The following GRIK2 variants were observed in gnomAD, a reference collection of about 807,000 sequenced individuals.
GRIK2 encodes the protein glutamate receptor ionotropic, kainate 2.
GRIK2 carries 32 observed loss-of-function variants against 100.3 expected under a neutral mutation model. The observed-to-expected ratio is 0.32, with a 90% CI of 0.24 to 0.43. The LOEUF (loss-of-function observed/expected upper bound fraction) is 0.43, where lower values mean the gene tolerates loss of function less well. GRIK2 is among the 20% of genes least tolerant of loss of function. The pLI is 1.00. For missense variants in GRIK2, 843 were observed against 1,114.9 expected, an observed-to-expected ratio of 0.76 and a Z score of 3.47; for synonymous variants, 417 against 389.4, an observed-to-expected ratio of 1.07 and a Z score of -0.83.
intron 14 of GRIK2, among the ~76,000 whole-genome samples, chr6:102,019,753 C>G (rs937801207): frequency 4.0e-5 from 6 of 151,652 alleles, no homozygotes; most frequent in Non-Finnish European, 8.9e-5. Context: ...TCTCTTCTAA[C>G]AAATCATCCT....
intron 10 of GRIK2, among the ~76,000 whole-genome samples, chr6:101,856,894 C>A (rs547962819): frequency 6.6e-6 from 1 of 152,116 alleles, no homozygotes; most frequent in South Asian, 2.1e-4. Flanking sequence ...GTATTGGATA[C>A]TTCATGTAGG....
intron 7 of GRIK2, among the ~76,000 whole-genome samples, chr6:101,756,674 C>G (rs1185538494): frequency 6.6e-6 from 1 of 152,084 alleles, no homozygotes; most frequent in Admixed American, 6.5e-5. Context: ...CAAGCGCTCT[C>G]TGAAAATAAT....
intron 2 of GRIK2, among the ~76,000 whole-genome samples, chr6:101,599,598 A>T (rs577337878): frequency 6.6e-6 from 1 of 151,882 alleles, no homozygotes; most frequent in South Asian, 2.1e-4. Context: ...TATAATAGCC[A>T]TTCTGACTGG....
rs1788872391 is a variant in GRIK2 at position 101,913,227 on chromosome 6, T to G, written c.1749-11374T>G. On this transcript the variant is annotated intron_variant, in intron 12 of 16. Transcript: ENST00000369134. The stretch of plus-strand genomic sequence containing the variant: ...AAATACACACGGAAGAACAGATACA[T>G]TTTAGTGATTGTTTTATTAACTCTA... Among the ~76,000 whole-genome samples the G allele has an allele frequency of 2.0e-5, 3 of 151,664 alleles. No homozygotes were observed. In the South Asian group the frequency reaches 6.2e-4, roughly 31 times the overall value.
chr6:101,814,750 T>A (rs1781533288), intron 9 of GRIK2, among the ~76,000 whole-genome samples: 1 of 152,176 alleles, frequency 6.6e-6, no homozygotes, highest in African/African-American at 2.4e-5. Context: ...TAAATGTGTT[T>A]ACTAAGGCCT....
intron 5 of GRIK2, among the ~76,000 whole-genome samples, chr6:101,680,740 T>C (rs2128341708): frequency 6.6e-6 from 1 of 152,270 alleles, no homozygotes; most frequent in East Asian, 1.9e-4. Context: ...GTACTGGAGA[T>C]AGGGAGCCAT....
intron 14 of GRIK2, among the ~76,000 whole-genome samples, chr6:101,967,221 T>G: frequency 6.6e-6 from 1 of 152,100 alleles, no homozygotes; most frequent in Non-Finnish European, 1.5e-5. Flanking sequence ...AACCTAAATC[T>G]TATAAAAATT....
chr6:101,782,150 G>A (rs149986678), intron 7 of GRIK2, among the ~76,000 whole-genome samples: 3 of 152,042 alleles, frequency 2.0e-5, no homozygotes, highest in Non-Finnish European at 4.4e-5. Context: ...ATCGAGTCAC[G>A]GTATTTGGGA....
intron 2 of GRIK2, among the ~76,000 whole-genome samples, chr6:101,559,066 G>C (rs568367272): frequency 6.6e-6 from 1 of 152,120 alleles, no homozygotes; most frequent in Admixed American, 6.5e-5. Context: ...CATCCAGTCA[G>C]TCATTCTCTT....
intron 11 of GRIK2, among the ~76,000 whole-genome samples, chr6:101,872,998 G>C (rs983493988): frequency 3.0e-4 from 46 of 151,858 alleles, no homozygotes; most frequent in Non-Finnish European, 4.7e-4. Flanking sequence ...TCTTGATTCT[G>C]GTTCTGAATC....
In GRIK2 at chr6:101,909,375, T is replaced by TTTTTTTTTTG. The variant is rs1562480881; in HGVS notation, c.1749-15226_1749-15225insTTTTTTTTTG. ...TGGATGCTGAAGGAAGATAGGGTTT[T>TTTTTTTTTTG]CTTTTTCTTTTTTTTTTTTTTAAAG... On this transcript the variant is annotated intron_variant, in intron 12 of 16. Coordinates refer to ENST00000369134, the MANE Select transcript of GRIK2 (RefSeq NM_021956.5). Among the ~76,000 whole-genome samples the TTTTTTTTTTG allele has an allele frequency of 1.9e-4, 22 of 117,954 alleles. 1 individual carries two copies. The highest frequency in any genetic ancestry group is 3.2e-4 in the South Asian group (1 of 3,092). 77.4% of individuals were successfully genotyped at this position (117,954 alleles called of 152,430 possible).
intron 14 of GRIK2, among the ~76,000 whole-genome samples, chr6:101,943,896 G>A (rs1791109016): frequency 6.6e-6 from 1 of 152,192 alleles, no homozygotes; most frequent in African/African-American, 2.4e-5. Flanking sequence ...TTTGAAATGT[G>A]AGAAGGACAT....
chr6:101,423,758 A>C (rs1408554704), intron 2 of GRIK2, among the ~76,000 whole-genome samples: 1 of 107,144 alleles, frequency 9.3e-6, no homozygotes, highest in Non-Finnish European at 2.0e-5. Context: ...GCATTTATTC[A>C]AAACTTTTGA....
chr6:101,761,457 T>C (rs906966383), intron 7 of GRIK2, among the ~76,000 whole-genome samples: 1 of 152,158 alleles, frequency 6.6e-6, no homozygotes. Context: ...ATTTTGCAAT[T>C]GTGGCCCCAC....
At chr6:101,894,587 T>C (rs968204145) in intron 12 of GRIK2, among the ~76,000 whole-genome samples, 1 of 151,650 alleles carries the variant, frequency 6.6e-6, no homozygotes, top group Non-Finnish European at 1.5e-5. Flanking sequence ...CTCTTTTCTT[T>C]CACCTAGGCA....
intron 14 of GRIK2, among the ~76,000 whole-genome samples, chr6:102,011,878 C>T (rs1049439724): frequency 6.6e-6 from 1 of 152,128 alleles, no homozygotes; most frequent in African/African-American, 2.4e-5. Context: ...TGAGCCACCA[C>T]GCCAGGCCCA....
At chr6:101,835,464 C>CTTTTT (rs764148146) in intron 10 of GRIK2, among the ~76,000 whole-genome samples, 8 of 89,014 alleles carry the variant, frequency 9.0e-5, no homozygotes, top group African/African-American at 1.5e-4. Flanking sequence ...CTATGAGTTC[C>CTTTTT]TTTTTTTTTT....
intron 14 of GRIK2, among the ~76,000 whole-genome samples, chr6:101,989,170 A>G (rs1794220229): frequency 6.6e-6 from 1 of 152,036 alleles, no homozygotes; most frequent in African/African-American, 2.4e-5. Flanking sequence ...ATATTTATTG[A>G]CATAATTTAT....
chr6:101,648,026 A>T (rs1215610643), intron 4 of GRIK2, among the ~76,000 whole-genome samples: 1 of 152,050 alleles, frequency 6.6e-6, no homozygotes, highest in Admixed American at 6.6e-5. Flanking sequence ...CAGTTGTGAC[A>T]ATTAAAAATA....
Sources: allele counts gnomAD v4.1 joint callset (sites outside exome capture counted in the v4.1 genomes callset), GRCh38; gene constraint gnomAD v4.1.1; transcripts MANE v1.5; gene names NCBI Gene and HGNC (gene_info 2026-07-23, HGNC 2026-07-21).